Variants in NWD1 observed in about 807,000 individuals in gnomAD.
The protein encoded by NWD1 is NACHT and WD repeat domain containing 1, also known as NACHT domain- and WD repeat-containing protein 1.
A neutral mutation model predicts 135.1 loss-of-function variants in NWD1; 129 were observed. That is an observed-to-expected ratio of 0.96 (90% CI 0.83 to 1.11). The LOEUF is 1.11. NWD1 is among the 50% of genes least tolerant of loss of function. The probability of loss-of-function intolerance (pLI) is 0.00; values close to 1 mark genes in which losing one functional copy is unlikely to be tolerated. For missense variants in NWD1, 1,740 were observed against 1,851.3 expected, an observed-to-expected ratio of 0.94 and a Z score of 1.10; for synonymous variants, 773 against 786.0, an observed-to-expected ratio of 0.98 and a Z score of 0.28.
rs1258328008 is a variant in NWD1 at position 16,773,334 on chromosome 19, C to T, written c.2608+11C>T. On this transcript the variant is annotated intron_variant, in intron 11 of 18. Transcript: ENST00000524140. ...GCGGCTGTCACAAAGGTGAGTCTCC[C>T]CAGCATAGCAAAAATCCCAGCAGGC... 6.2e-7 allele frequency: 1 copy of T among 1,607,574 alleles called. No individual in the cohort carries two copies. The highest frequency in any genetic ancestry group is 8.5e-7 in the Non-Finnish European group (1 of 1,177,286).
Position 16,763,955 on chromosome 19 carries a change from GC to G in NWD1, c.2251+16del, listed in dbSNP as rs1202910639. On this transcript the variant is annotated intron_variant, in intron 9 of 18. Transcript: ENST00000524140. The stretch of plus-strand genomic sequence containing the variant: ...AAACAGGAGGTTCTGGGTAAGGGCT[GC>G]CCCCCATCTCAGAGGACCGAGCCTG... 3.9e-6 allele frequency: 6 copies of G among 1,545,682 alleles called. No homozygotes were observed. The highest frequency in any genetic ancestry group is 4.5e-5 in the East Asian group (2 of 44,526).
At position 16,765,179 on chromosome 19, in the gene NWD1, G is replaced by T; in HGVS notation, c.2397G>T (p.Glu799Asp). ...TCCAGCTCTGCCGCCCTGCTGTGGA[G>T]CTCCGAGGCATGGGTGAGTCCAGAT... Reference protein sequence around the residue: ...EALQLCRPAVELRGMERSLLY... With the variant: ...EALQLCRPAVDLRGMERSLLY... The change falls in exon 10 of 19, where the codon GAG (glutamate) becomes GAT (aspartate). Residue 799 changes from glutamate to aspartate, a missense_variant. Coordinates refer to ENST00000524140, the MANE Select transcript of NWD1 (RefSeq NM_001007525.5). 1 of 1,614,102 alleles carries T rather than the reference G, an allele frequency of 6.2e-7. No homozygotes were observed. The highest frequency in any genetic ancestry group is 8.5e-7 in the Non-Finnish European group (1 of 1,180,012).
chr19:16,778,385 C>T (rs1358265324), intron 11 of NWD1, among the ~76,000 whole-genome samples: 4 of 152,110 alleles, frequency 2.6e-5, no homozygotes, highest in Non-Finnish European at 5.9e-5. Context: ...AGGACATCAG[C>T]CCTTGTTTTT....
At chr19:16,793,378 C>A (rs556655855) in intron 14 of NWD1, among the ~76,000 whole-genome samples, 1 of 151,738 alleles carries the variant, frequency 6.6e-6, no homozygotes, top group Non-Finnish European at 1.5e-5. Flanking sequence ...GGACTACAGG[C>A]GCATGCCCCC....
intron 7 of NWD1, among the ~76,000 whole-genome samples, chr19:16,760,266 TTTTATTTTATG>T: frequency 6.6e-6 from 1 of 151,132 alleles, no homozygotes; most frequent in South Asian, 2.1e-4. Context: ...TTTTATTTTA[TTTTATTTTATG>T]TATTTTGAGA....
At chr19:16,779,998 T>C (rs1201556329) in intron 12 of NWD1, among the ~76,000 whole-genome samples, 1 of 151,962 alleles carries the variant, frequency 6.6e-6, no homozygotes, top group African/African-American at 2.4e-5. Flanking sequence ...AGTTTTCTGC[T>C]CTCAGCTGGG....
rs1321874048 is a variant in NWD1, at chr19:16,817,102, A to T, written c.*2063A>T. ...GATCACCTGAGGTCAGGAGTTTGAG[A>T]CCAGCCTGGACAACATGGTGAAACC... On this transcript the variant is annotated 3_prime_UTR_variant, in exon 19 of 19. Coordinates refer to ENST00000524140, the MANE Select transcript of NWD1 (RefSeq NM_001007525.5). 1 of 152,140 alleles carries T rather than the reference A, an allele frequency of 6.6e-6. No homozygotes were observed. The highest frequency in any genetic ancestry group is 2.4e-5 in the African/African-American group (1 of 41,426). The allele number at this position is 152,140 out of a possible 1,614,324, so 9.4% of individuals were successfully genotyped here.
chr19:16,803,366 T>C (rs1970659588), intron 17 of NWD1, among the ~76,000 whole-genome samples: 1 of 151,830 alleles, frequency 6.6e-6, no homozygotes, highest in Admixed American at 6.6e-5. Context: ...TACCATCCTA[T>C]GGGGAGTGAG....
At chr19:16,761,353 T>G (rs989811957) in intron 7 of NWD1, among the ~76,000 whole-genome samples, 1 of 141,482 alleles carries the variant, frequency 7.1e-6, no homozygotes, top group Non-Finnish European at 1.5e-5. Flanking sequence ...TTTCTTTCTC[T>G]TTCTTTCTTT....
chr19:16,755,379 A>G (rs1399228835), intron 6 of NWD1, among the ~76,000 whole-genome samples: 3 of 151,532 alleles, frequency 2.0e-5, no homozygotes, highest in African/African-American at 7.3e-5. Context: ...CACCACACCC[A>G]GTTATTTATT....
intron 18 of NWD1, 70 bp from the exon 19 acceptor site, chr19:16,814,958 T>C (rs1971023693): frequency 2.8e-6 from 4 of 1,413,162 alleles, no homozygotes; most frequent in Middle Eastern, 2.0e-4. Context: ...TGCAGCCAAC[T>C]CTGGAATGTG....
At chr19:16,736,006 T>G (rs1967796162) in intron 3 of NWD1, among the ~76,000 whole-genome samples, 1 of 151,850 alleles carries the variant, frequency 6.6e-6, no homozygotes. Context: ...ACATGACTGT[T>G]AACCTCCTGA....
chr19:16,793,172 A>G (rs992125918), intron 14 of NWD1, among the ~76,000 whole-genome samples: 14 of 152,152 alleles, frequency 9.2e-5, no homozygotes, highest in Non-Finnish European at 2.1e-4. Context: ...ACCAAATACA[A>G]CAACGAAAGA....
At chr19:16,732,629 T>G (rs1001411680) in intron 3 of NWD1, among the ~76,000 whole-genome samples, 1 of 82,078 alleles carries the variant, frequency 1.2e-5, no homozygotes, top group Non-Finnish European at 2.2e-5. Context: ...TGAGGTCCAG[T>G]GGATGACAGA....
intron 10 of NWD1, among the ~76,000 whole-genome samples, chr19:16,766,215 C>T (rs559262641): frequency 6.6e-6 from 1 of 152,098 alleles, no homozygotes; most frequent in African/African-American, 2.4e-5. Context: ...TCACTATTAT[C>T]TGGTCCATTG....
At chr19:16,734,733 G>GTTATTTAT (rs1568336516) in intron 3 of NWD1, among the ~76,000 whole-genome samples, 7 of 108,852 alleles carry the variant, frequency 6.4e-5, no homozygotes, top group African/African-American at 3.0e-4. Context: ...ACTACACCTG[G>GTTATTTAT]CTATTTATTT....
intron 2 of NWD1, among the ~76,000 whole-genome samples, chr19:16,724,960 C>T (rs1192359886): frequency 5.9e-5 from 9 of 151,938 alleles, no homozygotes; most frequent in Admixed American, 1.3e-4. Context: ...TCCCAAAGTG[C>T]TGGGATTACA....
At position 16,749,722 on chromosome 19, in the gene NWD1, G is replaced by C; in HGVS notation, c.1080G>C (p.Arg360Ser). ...GCAAGCTGGCTGAGCAGATGCCAAG[G>C]CTGCTGGGGCACAAGACAGTGACCG... ...LMCKLAEQMP[R>S]LLGHKTVTVL... Residue 360 changes from arginine to serine, a missense_variant, in exon 6 of 19, where the codon AGG (arginine) becomes AGC (serine). Physicochemically the swap from Arg to Ser is moderately radical, Grantham distance 110. Transcript: ENST00000524140. The C allele has an allele frequency of 6.2e-7, 1 of 1,605,474 alleles. No individual in the cohort carries two copies. The highest frequency in any genetic ancestry group is 8.5e-7 in the Non-Finnish European group (1 of 1,175,196).
At chr19:16,731,055 G>T (rs991493765) in intron 2 of NWD1, 137 bp from the exon 3 acceptor site, 16 of 542,758 alleles carry the variant, frequency 2.9e-5, no homozygotes, top group African/African-American at 2.9e-4. Context: ...ACCAGCCTGG[G>T]CAACATAGCG....
Sources: allele counts gnomAD v4.1 joint callset (sites outside exome capture counted in the v4.1 genomes callset), GRCh38; gene constraint gnomAD v4.1.1; transcripts MANE v1.5; gene names NCBI Gene and HGNC (gene_info 2026-07-23, HGNC 2026-07-21).